Variants in FHAD1 observed in about 807,000 individuals in gnomAD.
The protein encoded by FHAD1 is forkhead-associated domain-containing protein 1.
A neutral mutation model predicts 191.3 loss-of-function variants in FHAD1; 146 were observed. The ratio of observed to expected loss-of-function variants is 0.76; its 90% confidence interval spans 0.67 to 0.88. The LOEUF is 0.88. Among genes scored for constraint, FHAD1 ranks in the 40% least tolerant of loss-of-function variants. The probability of loss-of-function intolerance (pLI) is 0.00; values close to 1 mark genes in which losing one functional copy is unlikely to be tolerated. For missense variants in FHAD1, 1,635 were observed against 1,785.8 expected (o/e 0.92, Z 1.52); for synonymous variants, 616 against 672.3 (o/e 0.92, Z 1.29).
rs2101113088 is a variant in FHAD1, at chr1:15,311,196, G to C, written c.1040-1861G>C. Among the ~76,000 whole-genome samples, 1 of 152,270 alleles carries C rather than the reference G, an allele frequency of 6.6e-6. No individual in the cohort carries two copies. The highest frequency in any genetic ancestry group is 1.9e-4 in the East Asian group (1 of 5,176). On this transcript the variant is annotated intron_variant, in intron 7 of 33. Coordinates refer to ENST00000688493, the MANE Select transcript of FHAD1 (RefSeq NM_001391957.1). This position sits in a 1 kb window ranked among gnomAD's most constrained non-coding sequence, Gnocchi z 4.1. ...CCCGACTTGAGGAGATGGAGGTGGA[G>C]AAGCCAGCACAGCTTGAGTTTGCTG...
At position 15,362,674 on chromosome 1, in the gene FHAD1, G is replaced by A; in HGVS notation, c.2995G>A (p.Val999Met). The change falls in exon 23 of 34, where the codon GTG (valine) becomes ATG (methionine). Residue 999 changes from valine (V) to methionine (M), a missense_variant. Val to Met is a conservative substitution (Grantham distance 21). Transcript: ENST00000688493. ...GGAGGAAAGGCCGCAAGACCCTCTGGTGGCTCCCATGACAGAGAGCAGTGC... is the reference window on the plus strand; with the variant it reads ...GGAGGAAAGGCCGCAAGACCCTCTGATGGCTCCCATGACAGAGAGCAGTGC... The part of the protein sequence containing the change: ...PKEERPQDPL[V>M]APMTESSAKD... The A allele has an allele frequency of 6.4e-7, 1 of 1,551,836 alleles. No homozygotes were observed. Among genetic ancestry groups the A allele is most frequent in the Non-Finnish European group, 8.7e-7 (1 of 1,147,008 alleles).
At chr1:15,324,373 T>G in intron 10 of FHAD1, 79 bp from the exon 11 acceptor site, 1 of 1,152,520 alleles carries the variant, frequency 8.7e-7, no homozygotes, top group Non-Finnish European at 1.3e-6. Context: ...CCCACGGCCA[T>G]TAGACATCCT....
At chr1:15,308,526 A>C (rs1030309705) in intron 6 of FHAD1, 87 bp from the exon 7 acceptor site, 1 of 1,505,320 alleles carries the variant, frequency 6.6e-7, no homozygotes, top group Non-Finnish European at 8.9e-7. Context: ...ACTCAATCTG[A>C]ATCTTTCTGT....
At chr1:15,335,743 G>A (rs749202586) in intron 14 of FHAD1, among the ~76,000 whole-genome samples, 1 of 152,138 alleles carries the variant, frequency 6.6e-6, no homozygotes, top group Non-Finnish European at 1.5e-5. Flanking sequence ...GTAAACAGAA[G>A]TATAAGAAAG....
chr1:15,326,859 G>T, intron 11 of FHAD1, 200 bp from the exon 12 acceptor site: 1 of 552,746 alleles, frequency 1.8e-6, no homozygotes. Context: ...TGCCTAAAAA[G>T]TAATTAAAGC....
intron 22 of FHAD1, among the ~76,000 whole-genome samples, chr1:15,362,322 G>A (rs1298916413): frequency 6.6e-6 from 1 of 152,214 alleles, no homozygotes. Flanking sequence ...ACAGGCAGGC[G>A]GTGGGACCAG....
At chr1:15,338,869 G>A (rs1039161723) in intron 14 of FHAD1, among the ~76,000 whole-genome samples, 4 of 152,066 alleles carry the variant, frequency 2.6e-5, no homozygotes, top group African/African-American at 9.7e-5. Flanking sequence ...GTAAGCCCCT[G>A]GAGGTCTTGG....
At chr1:15,280,749 C>T (rs943503062) in intron 3 of FHAD1, among the ~76,000 whole-genome samples, 1 of 152,180 alleles carries the variant, frequency 6.6e-6, no homozygotes, top group Admixed American at 6.5e-5. Context: ...GGGTAGAAAA[C>T]GCAGTTTGCA....
chr1:15,349,268 T>C, intron 19 of FHAD1, 119 bp downstream of exon 19: 2 of 755,156 alleles, frequency 2.6e-6, no homozygotes, highest in Admixed American at 5.3e-5. Context: ...GTGGCCAAGA[T>C]CTGCCGTTTA....
chr1:15,397,422 C>G lies in FHAD1; in HGVS notation c.*9C>G. ...CCAGTGGAAAGTACTAGAGAAACCT[C>G]GTCCCACCAGGCCTCATGTGATCCT... On this transcript the variant is annotated 3_prime_UTR_variant, in exon 34 of 34. Coordinates refer to ENST00000688493, the MANE Select transcript of FHAD1 (RefSeq NM_001391957.1). 4 of 1,434,776 alleles carry G rather than the reference C, an allele frequency of 2.8e-6. No homozygotes were observed. Among genetic ancestry groups the G allele is most frequent in the Non-Finnish European group, 3.8e-6 (4 of 1,052,730 alleles). 88.9% of individuals were successfully genotyped at this position (1,434,776 alleles called of 1,614,324 possible).
intron 2 of FHAD1, among the ~76,000 whole-genome samples, chr1:15,254,096 T>G (rs1647121192): frequency 6.6e-6 from 1 of 152,226 alleles, no homozygotes; most frequent in Non-Finnish European, 1.5e-5. Context: ...CACAGAAAAC[T>G]GTTCAGTGTA....
chr1:15,281,784 A>G (rs1997729), intron 3 of FHAD1, among the ~76,000 whole-genome samples: 14 of 142,730 alleles, frequency 9.8e-5, no homozygotes, highest in African/African-American at 3.6e-4. Context: ...AAAAAAAAAA[A>G]GGAGAGGGGA....
In FHAD1 at chr1:15,327,049, T is replaced by C; in HGVS notation, c.1474-10T>C. On this transcript the variant is annotated splice_polypyrimidine_tract_variant and intron_variant, in intron 11 of 33. Coordinates refer to ENST00000688493, the MANE Select transcript of FHAD1 (RefSeq NM_001391957.1). This position sits in a 1 kb window ranked among gnomAD's most constrained non-coding sequence, Gnocchi z 5.1. ...GACCCCCTGACACTGTTGCCCCCTC[T>C]CTGCTGCAGCTGGAGCACTTCAGAA... 1 of 1,547,296 alleles carries C rather than the reference T, an allele frequency of 6.5e-7. No individual in the cohort carries two copies. The highest frequency in any genetic ancestry group is 1.2e-5 in the South Asian group (1 of 83,884).
chr1:15,351,212 G>C (rs1690732411), intron 19 of FHAD1, among the ~76,000 whole-genome samples: 1 of 152,162 alleles, frequency 6.6e-6, no homozygotes, highest in Admixed American at 6.5e-5. Context: ...GGGCCTGGTG[G>C]TGCACACCTG....
At chr1:15,249,801 C>T (rs947762329) in intron 1 of FHAD1, among the ~76,000 whole-genome samples, 2 of 152,138 alleles carry the variant, frequency 1.3e-5, no homozygotes, top group Admixed American at 1.3e-4. Context: ...TCTGCTCCCC[C>T]ATCCCATCCC....
intron 14 of FHAD1, among the ~76,000 whole-genome samples, chr1:15,339,100 T>C (rs1685479998): frequency 6.6e-6 from 1 of 152,194 alleles, no homozygotes; most frequent in African/African-American, 2.4e-5. Context: ...CACTGCAACC[T>C]CTGCCTTCCA....
intron 5 of FHAD1, among the ~76,000 whole-genome samples, chr1:15,299,059 C>A (rs12090664): frequency 0.05 from 7,475 of 150,616 alleles, 526 homozygotes; most frequent in African/African-American, 0.15. Flanking sequence ...AACGAGCCAC[C>A]CATAGTGGAA....
intron 10 of FHAD1, 50 bp downstream of exon 10, chr1:15,317,978 A>C: frequency 8.4e-7 from 1 of 1,190,294 alleles, no homozygotes; most frequent in Non-Finnish European, 1.2e-6. Flanking sequence ...GTAGCTCCCC[A>C]CTCATCATCC....
intron 32 of FHAD1, among the ~76,000 whole-genome samples, chr1:15,388,822 G>A (rs1429156149): frequency 6.6e-6 from 1 of 152,168 alleles, no homozygotes; most frequent in Non-Finnish European, 1.5e-5. Flanking sequence ...AGAGGGGACG[G>A]TGTGTGACGT....
Sources: allele counts gnomAD v4.1 joint callset (sites outside exome capture counted in the v4.1 genomes callset), GRCh38; gene constraint gnomAD v4.1.1; non-coding constraint Gnocchi (gnomAD v3.1); transcripts MANE v1.5; gene names NCBI Gene and HGNC (gene_info 2026-07-23, HGNC 2026-07-21).